The following MAGED2 variants were observed in gnomAD, a reference collection of about 807,000 sequenced individuals.
The protein encoded by MAGED2 is melanoma-associated antigen D2.
MAGED2 carries 6 observed loss-of-function variants against 41.7 expected under a neutral mutation model. The ratio of observed to expected loss-of-function variants is 0.14; its 90% confidence interval spans 0.08 to 0.28. MAGED2 has a LOEUF of 0.28. MAGED2 is among the 10% of genes least tolerant of loss of function. The pLI, the probability that MAGED2 is intolerant of heterozygous loss-of-function variation, is 1.00. For missense variants in MAGED2, 343 were observed against 486.4 expected, an observed-to-expected ratio of 0.71 and a Z score of 2.77; for synonymous variants, 146 against 178.2, an observed-to-expected ratio of 0.82 and a Z score of 1.44.
In MAGED2 at chrX:54,815,699, C is replaced by T. The variant is rs748143151; in HGVS notation, c.*8+9C>T. 1 of 1,112,952 alleles carries T rather than the reference C, an allele frequency of 9.0e-7. No homozygotes were observed. Among genetic ancestry groups the T allele is most frequent in the Admixed American group, 2.7e-5 (1 of 37,687 alleles). 91.7% of individuals were successfully genotyped at this position (1,112,952 alleles called of 1,213,427 possible). Reference sequence around the variant, plus strand: ...TACAAGTGAGATTTTAGGTATCTGCCTTGGTTTCAGTGGGGACATCTGGGG... The same window carrying T: ...TACAAGTGAGATTTTAGGTATCTGCTTTGGTTTCAGTGGGGACATCTGGGG... On this transcript the variant is annotated intron_variant, in intron 12 of 12. Transcript: ENST00000375068.
Position 54,815,904 on chromosome X carries a change from T to C in MAGED2, c.*32T>C, listed in dbSNP as rs968709108. ...AGATATTGTTAATCCTGCCAGTCTT[T>C]CTCTTCAAGCCAGGGTGCATCCTCA... On this transcript the variant is annotated 3_prime_UTR_variant, in exon 13 of 13. Transcript: ENST00000375068. 6 of 404,572 alleles carry C rather than the reference T, an allele frequency of 1.5e-5. No homozygotes were observed. The highest frequency in any genetic ancestry group is 1.3e-4 in the African/African-American group (5 of 39,909). The allele number at this position is 404,572 out of a possible 1,213,427, so 33.3% of individuals were successfully genotyped here.
chrX:54,813,811 G>T (rs189245437), intron 10 of MAGED2, among the ~76,000 whole-genome samples: 38 of 112,198 alleles, frequency 3.4e-4, no homozygotes, highest in African/African-American at 1.2e-3. Flanking sequence ...TTGTACGTAT[G>T]CAGAAACTGA....
rs1929793254 is a variant in MAGED2 at position 54,811,235 on chromosome X, T to C, written c.847-15T>C. 8.3e-7 allele frequency: 1 copy of C among 1,209,028 alleles called. No individual in the cohort carries two copies. Among genetic ancestry groups the C allele is most frequent in the African/African-American group, 1.7e-5 (1 of 57,367 alleles). On this transcript the variant is annotated splice_polypyrimidine_tract_variant and intron_variant, in intron 4 of 12. Coordinates refer to ENST00000375068, the MANE Select transcript of MAGED2 (RefSeq NM_177433.3). Reference sequence around the variant, plus strand: ...AAACTTGTTTTGGTCTTTCCATCTTTTTCTACTCTGCCAGGCAAATGATTT... The same window carrying C: ...AAACTTGTTTTGGTCTTTCCATCTTCTTCTACTCTGCCAGGCAAATGATTT...
intron 3 of MAGED2, 30 bp from the exon 4 acceptor site, chrX:54,810,791 T>A (rs757194336): frequency 1.9e-5 from 22 of 1,128,392 alleles, no homozygotes; most frequent in Non-Finnish European, 2.6e-5. Flanking sequence ...CTTCATCTGG[T>A]GACGTTGAGC....
chrX:54,813,668 C>A, intron 10 of MAGED2, 118 bp downstream of exon 10: 1 of 604,700 alleles, frequency 1.7e-6, no homozygotes, highest in Non-Finnish European at 2.7e-6. Flanking sequence ...TGCATATTTG[C>A]ATGTATGCAG....
At position 54,813,531 on chromosome X, in the gene MAGED2, G is replaced by A; in HGVS notation, c.1252G>A (p.Asp418Asn). Residue 418 changes from aspartate to asparagine, a missense_variant, in exon 10 of 13, where the codon GAT becomes AAT. Physicochemically the swap from Asp to Asn is conservative, Grantham distance 23. Around this residue, in one of 3 missense-constraint regions of MAGED2, gnomAD observed 95 missense variants for 204.8 expected, o/e 0.46. Coordinates refer to ENST00000375068, the MANE Select transcript of MAGED2 (RefSeq NM_177433.3). ...TGGGGACGTGAAGAAGCTCATCACT[G>A]ATGAGTTTGTGAAGCAGAAGTAAGT... ...LFGDVKKLIT[D>N]EFVKQKYLDY... is the part of the protein sequence containing the mutation. 8.3e-7 allele frequency: 1 copy of A among 1,208,603 alleles called. No individual in the cohort carries two copies. Among genetic ancestry groups the A allele is most frequent in the Non-Finnish European group, 1.1e-6 (1 of 892,604 alleles).
intron 6 of MAGED2, 52 bp from the exon 7 acceptor site, chrX:54,812,105 T>A: frequency 1.4e-6 from 1 of 720,558 alleles, no homozygotes; most frequent in Non-Finnish European, 2.2e-6. Flanking sequence ...AGCTGCAGCA[T>A]GCCCCGGAAG....
chrX:54,811,362 C>T (rs767222403), intron 5 of MAGED2, 49 bp downstream of exon 5: 5 of 1,094,792 alleles, frequency 4.6e-6, no homozygotes, highest in Non-Finnish European at 6.3e-6. Context: ...CCCTCCATTG[C>T]CCTTACACCA....
At chrX:54,808,752 G>A in intron 1 of MAGED2, among the ~76,000 whole-genome samples, 1 of 111,467 alleles carries the variant, frequency 9.0e-6, no homozygotes, top group African/African-American at 3.3e-5. Context: ...ACCAGACACT[G>A]CGACAATTTT....
intron 6 of MAGED2, 67 bp from the exon 7 acceptor site, chrX:54,812,090 T>C (rs1035027787): frequency 9.7e-6 from 6 of 620,570 alleles, no homozygotes; most frequent in African/African-American, 4.3e-5. Context: ...CCTAGGTACA[T>C]AGGGAGCTGC....
In MAGED2 at chrX:54,813,283, C is replaced by A. The variant is rs1030695362; in HGVS notation, c.1208+123C>A. The A allele has an allele frequency of 6.5e-6, 7 of 1,079,386 alleles. No individual in the cohort carries two copies. The African/African-American group carries it at 1.1e-4, about 17-fold the overall frequency. 89.0% of individuals were successfully genotyped at this position (1,079,386 alleles called of 1,213,427 possible). ...GTGGGGTGCTGGACTGGGTAGAGGG[C>A]CCAGGGTTCTGACCTGGGTGGATGA... On this transcript the variant is annotated intron_variant, in intron 9 of 12. Coordinates refer to ENST00000375068, the MANE Select transcript of MAGED2 (RefSeq NM_177433.3).
At position 54,815,619 on chromosome X, in the gene MAGED2, C is replaced by T. The variant is rs1196478389; in HGVS notation, c.1758C>T (p.Gly586=). The stretch of plus-strand genomic sequence containing the variant: ...CTCTCACATTTGGGCTCTTCGCTGG[C>T]CTTGGTGGAGCTGGTGCCAGCACCA... ...TATLTFGLFA[G]LGGAGASTSG... Residue 586 remains glycine, a synonymous_variant, in exon 12 of 13, where the codon GGC becomes GGT. Coordinates refer to ENST00000375068, the MANE Select transcript of MAGED2 (RefSeq NM_177433.3). The T allele has an allele frequency of 1.7e-6, 2 of 1,167,455 alleles. No homozygotes were observed. Among genetic ancestry groups the T allele is most frequent in the Non-Finnish European group, 2.3e-6 (2 of 872,835 alleles).
intron 2 of MAGED2, 129 bp from the exon 3 acceptor site, chrX:54,809,593 G>C (rs1258874759): frequency 2.8e-6 from 3 of 1,067,052 alleles, no homozygotes; most frequent in Non-Finnish European, 3.7e-6. Context: ...TTGTTGGGCT[G>C]AGGTGGTCAG....
intron 10 of MAGED2, 31 bp from the exon 11 acceptor site, chrX:54,814,630 G>A (rs1370415224): frequency 2.0e-6 from 2 of 1,006,474 alleles, no homozygotes; most frequent in African/African-American, 1.9e-5. Context: ...AATGGTCTTA[G>A]AAATAAAGGC....
chrX:54,811,480 A>G (rs775295587), intron 5 of MAGED2, 94 bp from the exon 6 acceptor site: 12 of 907,961 alleles, frequency 1.3e-5, no homozygotes, highest in African/African-American at 3.9e-5. Context: ...GGGTTATGCC[A>G]CCCTTGGTGT....
Position 54,815,613 on chromosome X carries a change from C to T in MAGED2, c.1752C>T (p.Phe584=), listed in dbSNP as rs1239887742. Residue 584 remains phenylalanine, a synonymous_variant, in exon 12 of 13, where the codon TTC becomes TTT. Coordinates refer to ENST00000375068, the MANE Select transcript of MAGED2 (RefSeq NM_177433.3). ...CCGCCACTCTCACATTTGGGCTCTT[C>T]GCTGGCCTTGGTGGAGCTGGTGCCA... The part of the protein sequence containing the change: ...SLTATLTFGL[F]AGLGGAGAST... 12 of 1,166,594 alleles carry T rather than the reference C, an allele frequency of 1.0e-5. No homozygotes were observed. The highest frequency in any genetic ancestry group is 2.5e-4 in the Middle Eastern group (1 of 4,009).
chrX:54,810,809 CTG>C lies in MAGED2; in HGVS notation c.538-10_538-9del, dbSNP rs775660819. The C allele has an allele frequency of 1.7e-6, 2 of 1,149,642 alleles. No individual in the cohort carries two copies. 94.7% of individuals were successfully genotyped at this position (1,149,642 alleles called of 1,213,427 possible). ...CATCTGGTGACGTTGAGCTTCCTCT[CTG>C]TTGATGCAGGTGAAGCATCTGGATG... is the stretch of plus-strand genomic sequence containing the variant. On this transcript the variant is annotated splice_polypyrimidine_tract_variant and intron_variant, in intron 3 of 12. Transcript: ENST00000375068.
rs1161094425 is a variant in MAGED2 at position 54,811,663 on chromosome X, C to T, written c.990+10C>T. 4 of 1,178,647 alleles carry T rather than the reference C, an allele frequency of 3.4e-6. No individual in the cohort carries two copies. The highest frequency in any genetic ancestry group is 1.8e-5 in the South Asian group (1 of 55,729). ...CTATTCCTTGGAGAAGGTGAAGGGGCAGCCCTGGGGGATGGGCACAGTGGG... is the reference window on the plus strand; with the variant it reads ...CTATTCCTTGGAGAAGGTGAAGGGGTAGCCCTGGGGGATGGGCACAGTGGG... On this transcript the variant is annotated intron_variant, in intron 6 of 12. Transcript: ENST00000375068.
rs1355742599 is a variant in MAGED2, at chrX:54,811,623, C to T, written c.960C>T (p.Ile320=). Residue 320 remains isoleucine, a synonymous_variant, in exon 6 of 13, where the codon ATC becomes ATT. Coordinates refer to ENST00000375068, the MANE Select transcript of MAGED2 (RefSeq NM_177433.3). Reference sequence around the variant, plus strand: ...AATACACTGATGTGTACCCCGAAATCATTGAACGAGCAGGCTATTCCTTGG... The same window carrying T: ...AATACACTGATGTGTACCCCGAAATTATTGAACGAGCAGGCTATTCCTTGG... ...IKEYTDVYPE[I]IERAGYSLEK... The T allele has an allele frequency of 8.3e-7, 1 of 1,207,286 alleles. No homozygotes were observed. Among genetic ancestry groups the T allele is most frequent in the Non-Finnish European group, 1.1e-6 (1 of 892,403 alleles).
Sources: gnomAD v4.1 joint callset for allele counts (sites outside exome capture counted in the v4.1 genomes callset) on GRCh38, gnomAD v4.1.1 for gene constraint, gnomAD v4.1.1 regional missense constraint, MANE v1.5 for transcripts, NCBI Gene and HGNC (gene_info 2026-07-23, HGNC 2026-07-21) for gene names.